Variants in LRP1B observed in about 807,000 individuals in gnomAD.
LRP1B encodes low-density lipoprotein receptor-related protein 1B.
A neutral mutation model predicts 556.6 loss-of-function variants in LRP1B; 217 were observed. That is an observed-to-expected ratio of 0.39 (90% CI 0.35 to 0.44). The LOEUF (loss-of-function observed/expected upper bound fraction) is 0.44, where lower values mean the gene tolerates loss of function less well. Ranked by LOEUF, LRP1B falls within the 20% of genes least tolerant of loss-of-function variation. The pLI is 1.00. For missense variants in LRP1B, 5,053 were observed against 5,620.8 expected (o/e 0.90, Z 3.23); for synonymous variants, 2,047 against 1,865.8 (o/e 1.10, Z -2.50).
intron 20 of LRP1B, among the ~76,000 whole-genome samples, chr2:140,933,287 C>A (rs1423419444): frequency 6.6e-6 from 1 of 152,030 alleles, no homozygotes; most frequent in Non-Finnish European, 1.5e-5. Context: ...AAGCTAAATA[C>A]CAACTACTTC....
At chr2:140,698,413 A>C (rs890807457) in intron 41 of LRP1B, among the ~76,000 whole-genome samples, 1 of 152,234 alleles carries the variant, frequency 6.6e-6, no homozygotes, top group African/African-American at 2.4e-5. Flanking sequence ...TAATGCAACA[A>C]TTGCGTTCAT....
intron 1 of LRP1B, among the ~76,000 whole-genome samples, chr2:141,888,612 G>A (rs1266192404): frequency 6.6e-6 from 1 of 152,086 alleles, no homozygotes; most frequent in Non-Finnish European, 1.5e-5. Flanking sequence ...ACCTTCCACA[G>A]ACAAGAAAAT....
At chr2:140,679,479 T>A (rs1323219309) in intron 41 of LRP1B, among the ~76,000 whole-genome samples, 1 of 152,242 alleles carries the variant, frequency 6.6e-6, no homozygotes, top group Non-Finnish European at 1.5e-5. Flanking sequence ...ATTAATGAAC[T>A]AATGATGTAC....
intron 35 of LRP1B, among the ~76,000 whole-genome samples, chr2:140,743,274 T>A (rs1205442177): frequency 6.6e-6 from 1 of 152,230 alleles, no homozygotes; most frequent in East Asian, 1.9e-4. Flanking sequence ...AGATGGCTCA[T>A]CTTTGTCTGT....
chr2:141,161,462 A>G (rs980870570), intron 7 of LRP1B, among the ~76,000 whole-genome samples: 1 of 152,190 alleles, frequency 6.6e-6, no homozygotes, highest in African/African-American at 2.4e-5. Flanking sequence ...GATAGATAAT[A>G]TCAGAAATAA....
At chr2:140,350,544 T>G (rs1374857277) in intron 77 of LRP1B, among the ~76,000 whole-genome samples, 2 of 152,074 alleles carry the variant, frequency 1.3e-5, no homozygotes, top group East Asian at 3.9e-4. Context: ...GGAGATGTTA[T>G]ATGTCATTCA....
intron 23 of LRP1B, among the ~76,000 whole-genome samples, chr2:140,901,828 A>G (rs938801468): frequency 7.2e-5 from 11 of 152,068 alleles, no homozygotes; most frequent in Admixed American, 3.9e-4. Context: ...GCATATTTTA[A>G]TTCCTATTCT....
chr2:140,588,438 C>A (rs1485845), intron 43 of LRP1B, among the ~76,000 whole-genome samples: 40,874 of 151,962 alleles, frequency 0.27, 5,761 homozygotes, highest in Middle Eastern at 0.39. Flanking sequence ...ATATACCTGA[C>A]GACACTATAG....
At chr2:141,646,877 A>T (rs570113296) in intron 2 of LRP1B, among the ~76,000 whole-genome samples, 1 of 152,316 alleles carries the variant, frequency 6.6e-6, no homozygotes, top group South Asian at 2.1e-4. Context: ...CATGCCGTGG[A>T]GACTAGAGTC....
At chr2:141,573,327 C>A (rs1686603040) in intron 2 of LRP1B, among the ~76,000 whole-genome samples, 1 of 152,138 alleles carries the variant, frequency 6.6e-6, no homozygotes, top group Non-Finnish European at 1.5e-5. Flanking sequence ...AATTGAACAA[C>A]CTGCTCCTGA....
chr2:141,859,238 A>T (rs1558923130), intron 1 of LRP1B, among the ~76,000 whole-genome samples: 1 of 152,024 alleles, frequency 6.6e-6, no homozygotes. Flanking sequence ...TTTCTTGTTC[A>T]TATTAATTAT....
chr2:141,181,017 G>C (rs192053930), intron 7 of LRP1B, among the ~76,000 whole-genome samples: 5 of 152,016 alleles, frequency 3.3e-5, no homozygotes, highest in African/African-American at 1.2e-4. Context: ...ACATTAGCCT[G>C]GCCCCAACTT....
chr2:140,357,086 T>A (rs1398515726), intron 74 of LRP1B, among the ~76,000 whole-genome samples: 1 of 151,800 alleles, frequency 6.6e-6, no homozygotes, highest in East Asian at 1.9e-4. Context: ...GGATAGCAGT[T>A]GCAATTTTAT....
At chr2:140,983,148 T>A (rs1199455063) in intron 17 of LRP1B, among the ~76,000 whole-genome samples, 1 of 152,092 alleles carries the variant, frequency 6.6e-6, no homozygotes, top group Non-Finnish European at 1.5e-5. Flanking sequence ...GTGACATGCT[T>A]AGTTGTTTTT....
intron 1 of LRP1B, among the ~76,000 whole-genome samples, chr2:141,901,413 T>C (rs530005463): frequency 1.3e-5 from 2 of 152,096 alleles, no homozygotes; most frequent in East Asian, 3.9e-4. Flanking sequence ...ATCAAACAAG[T>C]AGATAAGAAT....
chr2:142,080,098 TA>T (rs11324880), intron 1 of LRP1B, among the ~76,000 whole-genome samples: 72,960 of 149,210 alleles, frequency 0.49, 18,121 homozygotes, highest in East Asian at 0.69. Context: ...TATGAGTGGT[TA>T]AAAAAAAAAA....
chr2:141,975,045 T>C (rs1329459233), intron 1 of LRP1B, among the ~76,000 whole-genome samples: 1 of 152,070 alleles, frequency 6.6e-6, no homozygotes, highest in Non-Finnish European at 1.5e-5. Context: ...AGTGAATGTA[T>C]TGTGACATTG....
intron 3 of LRP1B, among the ~76,000 whole-genome samples, chr2:141,255,801 C>T (rs1039362817): frequency 6.6e-6 from 1 of 151,692 alleles, no homozygotes; most frequent in Admixed American, 6.6e-5. Context: ...TAGTTGAATT[C>T]GTAATCAAAG....
At chr2:140,284,591 TTTCA>T (rs1183255786) in intron 84 of LRP1B, among the ~76,000 whole-genome samples, 1 of 151,622 alleles carries the variant, frequency 6.6e-6, no homozygotes, top group African/African-American at 2.4e-5. Flanking sequence ...CTGTTTCCTT[TTTCA>T]TTCTTTCCTC....
Sources: gnomAD v4.1 joint callset for allele counts (sites outside exome capture counted in the v4.1 genomes callset) on GRCh38, gnomAD v4.1.1 for gene constraint, MANE v1.5 for transcripts, NCBI Gene and HGNC (gene_info 2026-07-23, HGNC 2026-07-21) for gene names.